The following ANGPT2 variants were observed in gnomAD, a reference collection of about 807,000 sequenced individuals.
The protein encoded by ANGPT2 is angiopoietin-2.
ANGPT2 carries 28 observed loss-of-function variants against 62.9 expected under a neutral mutation model. That is an observed-to-expected ratio of 0.44 (90% CI 0.33 to 0.61). The LOEUF is 0.61. ANGPT2 is among the 20% of genes least tolerant of loss of function. The pLI, the probability that ANGPT2 is intolerant of heterozygous loss-of-function variation, is 0.03. For missense variants in ANGPT2, 727 were observed against 594.9 expected (o/e 1.22, Z -2.31); for synonymous variants, 284 against 207.8 (o/e 1.37, Z -3.15).
chr8:6,514,408 C>G (rs1195785762), intron 6 of ANGPT2, among the ~76,000 whole-genome samples: 1 of 152,168 alleles, frequency 6.6e-6, no homozygotes, highest in East Asian at 1.9e-4. Flanking sequence ...CAACTGGTCT[C>G]AAACTCCTGA....
At chr8:6,548,628 G>T (rs961474807) in intron 1 of ANGPT2, among the ~76,000 whole-genome samples, 2 of 152,176 alleles carry the variant, frequency 1.3e-5, no homozygotes, top group Non-Finnish European at 2.9e-5. Context: ...AATGATGGCC[G>T]TAAGTCATAG....
chr8:6,501,708 A>T lies in ANGPT2; in HGVS notation c.*1393T>A, dbSNP rs1812225464. The T allele has an allele frequency of 6.6e-6, 1 of 151,938 alleles. No homozygotes were observed. Among genetic ancestry groups the T allele is most frequent in the Non-Finnish European group, 1.5e-5 (1 of 68,032 alleles). 9.4% of individuals were successfully genotyped at this position (151,938 alleles called of 1,614,324 possible). On this transcript the variant is annotated 3_prime_UTR_variant, in exon 9 of 9. Transcript: ENST00000629816. ...GTAGCTGGGATTACAGGTGCCCGCC[A>T]GCACGCCTGGCTAATTTTTGTATTA...
At chr8:6,528,979 CTTT>C (rs1169179605) in intron 2 of ANGPT2, among the ~76,000 whole-genome samples, 1 of 152,210 alleles carries the variant, frequency 6.6e-6, no homozygotes, top group African/African-American at 2.4e-5. Flanking sequence ...CCTACGTCTT[CTTT>C]GAGTCCAAAC....
intron 1 of ANGPT2, among the ~76,000 whole-genome samples, chr8:6,547,901 T>G (rs1822900010): frequency 6.6e-6 from 1 of 151,348 alleles, no homozygotes; most frequent in Non-Finnish European, 1.5e-5. Context: ...TTTTTTTTTT[T>G]TAACCAAAAC....
rs186288478 is a variant in ANGPT2 at position 6,553,776 on chromosome 8, C to A, written c.288+8871G>T. ...GCAGTTTCCCCATCCCCTTTTGGGACTTCTTGAGCAGAAAAGCGAATGTCA... is the reference window on the plus strand; with the variant it reads ...GCAGTTTCCCCATCCCCTTTTGGGAATTCTTGAGCAGAAAAGCGAATGTCA... On this transcript the variant is annotated intron_variant, in intron 1 of 8. Coordinates refer to ENST00000629816, the MANE Select transcript of ANGPT2 (RefSeq NM_001118887.2). Among the ~76,000 whole-genome samples the A allele has an allele frequency of 9.2e-5, 14 of 152,046 alleles. No individual in the cohort carries two copies. In the East Asian group the frequency reaches 2.7e-3, roughly 30 times the overall value.
rs975014439 is a variant in ANGPT2 at position 6,534,673 on chromosome 8, C to G, written c.289-2186G>C. 3.3e-5 allele frequency among the ~76,000 whole-genome samples: 5 copies of G among 152,306 alleles called. No individual in the cohort carries two copies. The East Asian group carries it at 7.7e-4, about 23-fold the overall frequency. On this transcript the variant is annotated intron_variant, in intron 1 of 8. Coordinates refer to ENST00000629816, the MANE Select transcript of ANGPT2 (RefSeq NM_001118887.2). ...ATTTAAAAAAATAAAAAATCAGTCACTGATACCCGGCAGGCCAGCAACCAT... is the reference window on the plus strand; with the variant it reads ...ATTTAAAAAAATAAAAAATCAGTCAGTGATACCCGGCAGGCCAGCAACCAT...
In ANGPT2 at chr8:6,535,591, T is replaced by C. The variant is rs116688522; in HGVS notation, c.289-3104A>G. Among the ~76,000 whole-genome samples the C allele has an allele frequency of 7.4e-3, 1,131 of 152,304 alleles. 12 individuals are homozygous for C. The highest frequency in any genetic ancestry group is 0.026 in the African/African-American group (1,094 of 41,526). ...TATACAGATAGGTATATAGCATATA[T>C]GTATATAGTGTCTATAAATATATAC... On this transcript the variant is annotated intron_variant, in intron 1 of 8. Coordinates refer to ENST00000629816, the MANE Select transcript of ANGPT2 (RefSeq NM_001118887.2).
intron 1 of ANGPT2, among the ~76,000 whole-genome samples, chr8:6,545,247 G>C (rs1323466753): frequency 1.3e-5 from 2 of 152,158 alleles, no homozygotes; most frequent in Non-Finnish European, 2.9e-5. Context: ...ATGTTTCCTA[G>C]ATCTTGACCT....
chr8:6,535,280 GAT>G (rs1820277413), intron 1 of ANGPT2, among the ~76,000 whole-genome samples: 1 of 152,160 alleles, frequency 6.6e-6, no homozygotes. Flanking sequence ...ACTCTCCAGA[GAT>G]ATGAGAGGAT....
intron 8 of ANGPT2, chr8:6,507,671 G>C (rs1354092125): frequency 2.0e-5 from 3 of 148,948 alleles, no homozygotes; most frequent in Non-Finnish European, 4.4e-5. Flanking sequence ...CTGCCTCCCA[G>C]GTTCAAGCCA....
intron 1 of ANGPT2, among the ~76,000 whole-genome samples, chr8:6,552,423 T>C (rs6981002): frequency 0.081 from 12,265 of 152,248 alleles, 1,414 homozygotes; most frequent in African/African-American, 0.26. Flanking sequence ...ACGATGGTCC[T>C]TTTCATTGTC....
At chr8:6,508,555 A>G (rs150515225) in intron 8 of ANGPT2, 80 of 369,914 alleles carry the variant, frequency 2.2e-4, no homozygotes, top group East Asian at 1.7e-3. Context: ...TCTATAATCT[A>G]TATTACTGTT....
At chr8:6,553,876 T>G (rs1824123198) in intron 1 of ANGPT2, among the ~76,000 whole-genome samples, 2 of 152,128 alleles carry the variant, frequency 1.3e-5, no homozygotes, top group African/African-American at 4.8e-5. Context: ...GTAAGACAAC[T>G]TCATGGCGTA....
chr8:6,538,470 C>A (rs1820910175), intron 1 of ANGPT2, among the ~76,000 whole-genome samples: 1 of 152,148 alleles, frequency 6.6e-6, no homozygotes, highest in Admixed American at 6.5e-5. Flanking sequence ...AGGATAAGGT[C>A]CAGATTCCTT....
intron 2 of ANGPT2, among the ~76,000 whole-genome samples, chr8:6,528,920 G>A (rs3824312): frequency 0.25 from 37,751 of 152,144 alleles, 5,370 homozygotes; most frequent in Middle Eastern, 0.39. Context: ...CTTGGCCAAC[G>A]TAAGGTTTTG....
At chr8:6,546,499 C>T (rs150905810) in intron 1 of ANGPT2, among the ~76,000 whole-genome samples, 1 of 152,118 alleles carries the variant, frequency 6.6e-6, no homozygotes, top group African/African-American at 2.4e-5. Flanking sequence ...ATATTCCATT[C>T]ATACGTCACT....
intron 5 of ANGPT2, among the ~76,000 whole-genome samples, chr8:6,516,500 T>C (rs1374421284): frequency 6.6e-6 from 1 of 152,230 alleles, no homozygotes; most frequent in Non-Finnish European, 1.5e-5. Flanking sequence ...CTTTGGTAAA[T>C]AGGCCAAAAG....
chr8:6,560,452 T>G (rs1052864958), intron 1 of ANGPT2, among the ~76,000 whole-genome samples: 2 of 152,226 alleles, frequency 1.3e-5, no homozygotes, highest in Non-Finnish European at 2.9e-5. Context: ...TGAGGTTACA[T>G]TTAATCACTT....
intron 5 of ANGPT2, among the ~76,000 whole-genome samples, chr8:6,515,257 C>G (rs2129567965): frequency 6.6e-6 from 1 of 152,262 alleles, no homozygotes; most frequent in East Asian, 1.9e-4. Context: ...ACTCTTTGAT[C>G]ATAGGGTTTG....
Sources: gnomAD v4.1 joint callset for allele counts (sites outside exome capture counted in the v4.1 genomes callset) on GRCh38, gnomAD v4.1.1 for gene constraint, MANE v1.5 for transcripts, NCBI Gene and HGNC (gene_info 2026-07-23, HGNC 2026-07-21) for gene names.